Variants in EXOC4 observed in about 807,000 individuals in gnomAD.
EXOC4 encodes SEC8-like 1.
EXOC4 carries 71 observed loss-of-function variants against 107.2 expected under a neutral mutation model. That is an observed-to-expected ratio of 0.66 (90% CI 0.55 to 0.81). The LOEUF is 0.81. Ranked by LOEUF, EXOC4 falls within the 30% of genes least tolerant of loss-of-function variation. The pLI, the probability that EXOC4 is intolerant of heterozygous loss-of-function variation, is 0.00. For missense variants in EXOC4, 1,108 were observed against 1,189.6 expected (o/e 0.93, Z 1.01); for synonymous variants, 456 against 441.2 (o/e 1.03, Z -0.42).
At chr7:133,883,019 T>C (rs1036634709) in intron 11 of EXOC4, among the ~76,000 whole-genome samples, 1 of 152,164 alleles carries the variant, frequency 6.6e-6, no homozygotes, top group East Asian at 1.9e-4. Flanking sequence ...ATCAGTAAAA[T>C]TCCAGCACCT....
intron 7 of EXOC4, among the ~76,000 whole-genome samples, chr7:133,452,158 C>T (rs144602604): frequency 4.0e-5 from 6 of 151,736 alleles, no homozygotes; most frequent in Non-Finnish European, 7.4e-5. Flanking sequence ...TGGAAGGAAC[C>T]GAAGACAAAA....
At chr7:133,507,382 A>G (rs902484127) in intron 9 of EXOC4, among the ~76,000 whole-genome samples, 4 of 152,214 alleles carry the variant, frequency 2.6e-5, no homozygotes, top group African/African-American at 9.6e-5. Context: ...CATCTGTTTT[A>G]TAAACTGTCA....
intron 9 of EXOC4, among the ~76,000 whole-genome samples, chr7:133,520,073 ACT>A (rs1799952180): frequency 6.6e-6 from 1 of 152,170 alleles, no homozygotes. Context: ...TAATGAAAGA[ACT>A]CTAAGAGGAA....
At chr7:133,987,632 G>A (rs2116213617) in intron 14 of EXOC4, among the ~76,000 whole-genome samples, 1 of 152,284 alleles carries the variant, frequency 6.6e-6, no homozygotes, top group East Asian at 1.9e-4. Flanking sequence ...CTTCTAAAAT[G>A]TTTTCAATGA....
chr7:133,444,192 T>A (rs1243806575), intron 7 of EXOC4, among the ~76,000 whole-genome samples: 1 of 152,028 alleles, frequency 6.6e-6, no homozygotes, highest in Non-Finnish European at 1.5e-5. Flanking sequence ...GGAATTTCAG[T>A]CCAAAGGGGC....
chr7:133,568,093 GT>G (rs1369786041), intron 9 of EXOC4, among the ~76,000 whole-genome samples: 1 of 152,088 alleles, frequency 6.6e-6, no homozygotes, highest in African/African-American at 2.4e-5. Context: ...ATGTAAAAAT[GT>G]TTTAGTTTGA....
At chr7:133,602,563 G>T (rs1267308704) in intron 9 of EXOC4, among the ~76,000 whole-genome samples, 1 of 152,118 alleles carries the variant, frequency 6.6e-6, no homozygotes, top group Non-Finnish European at 1.5e-5. Context: ...CGGGGTCTAG[G>T]GTTTCTGATG....
In EXOC4 at chr7:133,738,737, A is replaced by G. The variant is rs534873746; in HGVS notation, c.1515-78588A>G. 1.4e-3 allele frequency among the ~76,000 whole-genome samples: 209 copies of G among 152,340 alleles called. 5 individuals carry two copies. Among genetic ancestry groups the G allele is most frequent in the Admixed American group, 0.014 (208 of 15,304 alleles). The stretch of plus-strand genomic sequence containing the variant: ...ACTATTAGCTTCTTCTAATTTGAAG[A>G]TAATGTTACATCTCCAAGGATACTG... On this transcript the variant is annotated intron_variant, in intron 10 of 17. Coordinates refer to ENST00000253861, the MANE Select transcript of EXOC4 (RefSeq NM_021807.4).
At chr7:133,967,699 G>A (rs1400147547) in intron 14 of EXOC4, among the ~76,000 whole-genome samples, 3 of 152,180 alleles carry the variant, frequency 2.0e-5, no homozygotes, top group African/African-American at 7.2e-5. Context: ...GAGACGGTTT[G>A]TTATGATTTC....
At chr7:133,641,422 C>G (rs1802851021) in intron 10 of EXOC4, among the ~76,000 whole-genome samples, 1 of 130,078 alleles carries the variant, frequency 7.7e-6, no homozygotes, top group Non-Finnish European at 1.7e-5. Context: ...CTACACTGTC[C>G]TGAGCACACA....
chr7:133,601,385 A>T (rs1188074230), intron 9 of EXOC4, among the ~76,000 whole-genome samples: 1 of 152,042 alleles, frequency 6.6e-6, no homozygotes, highest in African/African-American at 2.4e-5. Flanking sequence ...ATTTATATAT[A>T]TATTTTTGGA....
intron 10 of EXOC4, among the ~76,000 whole-genome samples, chr7:133,733,899 A>G (rs541877880): frequency 6.6e-6 from 1 of 152,340 alleles, no homozygotes; most frequent in African/African-American, 2.4e-5. Flanking sequence ...CTAATTCCTC[A>G]TGATACTATG....
chr7:133,766,330 G>A (rs1796138222), intron 10 of EXOC4, among the ~76,000 whole-genome samples: 1 of 151,976 alleles, frequency 6.6e-6, no homozygotes, highest in African/African-American at 2.4e-5. Flanking sequence ...AACTGTATGT[G>A]CTTGTGTTAA....
At chr7:133,754,667 C>T (rs1173603944) in intron 10 of EXOC4, among the ~76,000 whole-genome samples, 1 of 152,280 alleles carries the variant, frequency 6.6e-6, no homozygotes. Flanking sequence ...CTCTGATGTA[C>T]TATGAGCTAT....
At chr7:133,533,963 G>A (rs1800228165) in intron 9 of EXOC4, among the ~76,000 whole-genome samples, 1 of 152,094 alleles carries the variant, frequency 6.6e-6, no homozygotes, top group African/African-American at 2.4e-5. Context: ...CTTGGATAAA[G>A]GATCTAACTT....
rs187202860 is a variant in EXOC4 at position 133,497,490 on chromosome 7, G to A, written c.1417+17352G>A. Among the ~76,000 whole-genome samples, 247 of 149,730 alleles carry A rather than the reference G, an allele frequency of 1.6e-3. 1 individual carries two copies. The Middle Eastern group carries it at 0.017, about 10-fold the overall frequency. On this transcript the variant is annotated intron_variant, in intron 9 of 17. Transcript: ENST00000253861. ...TGCCCAGGCTGGAGTGCGGTGGCAT[G>A]ATTGCGGCTCACTCACTACAACCTC...
intron 10 of EXOC4, among the ~76,000 whole-genome samples, chr7:133,709,484 A>G (rs1794838376): frequency 6.6e-6 from 1 of 152,178 alleles, no homozygotes; most frequent in African/African-American, 2.4e-5. Context: ...AAGGTTTTGA[A>G]TACATCTGAT....
Position 133,977,930 on chromosome 7 carries a change from A to C in EXOC4, c.2207-19562A>C, listed in dbSNP as rs551359772. Among the ~76,000 whole-genome samples, 13 of 152,268 alleles carry C rather than the reference A, an allele frequency of 8.5e-5. No homozygotes were observed. The East Asian group carries it at 1.7e-3, about 20-fold the overall frequency. ...GTTAAATTGAATTAAGTTTGGCCCA[A>C]AGCTGCCTCTGTACATGTTTTAAGT... On this transcript the variant is annotated intron_variant, in intron 14 of 17. Transcript: ENST00000253861.
At chr7:133,919,930 G>C (rs966435657) in intron 13 of EXOC4, among the ~76,000 whole-genome samples, 2 of 152,098 alleles carry the variant, frequency 1.3e-5, no homozygotes, top group Non-Finnish European at 2.9e-5. Flanking sequence ...GATCATAAGG[G>C]CAAAATATGT....
Sources: gnomAD v4.1 joint callset for allele counts (sites outside exome capture counted in the v4.1 genomes callset) on GRCh38, gnomAD v4.1.1 for gene constraint, MANE v1.5 for transcripts, NCBI Gene and HGNC (gene_info 2026-07-23, HGNC 2026-07-21) for gene names.